FRMPD4: variants seen among roughly 807,000 people sequenced by gnomAD.
FRMPD4 encodes FERM and PDZ domain containing 4.
FRMPD4 carries 22 observed loss-of-function variants against 94.1 expected under a neutral mutation model. That is an observed-to-expected ratio of 0.23 (90% confidence interval 0.17 to 0.33). The LOEUF is 0.33. Ranked by LOEUF, FRMPD4 falls within the 10% of genes least tolerant of loss-of-function variation. The pLI is 1.00. For synonymous variants in FRMPD4, 631 were observed against 548.6 expected, an observed-to-expected ratio of 1.15 and a Z score of -2.10; for missense variants, 1,111 against 1,339.9, an observed-to-expected ratio of 0.83 and a Z score of 2.67.
rs750517113 is a variant in FRMPD4, at chrX:12,680,527, G to C, written c.469-2956G>C. Among the ~76,000 whole-genome samples, 362 of 112,342 alleles carry C rather than the reference G, an allele frequency of 3.2e-3. 4 individuals carry two copies. Among genetic ancestry groups the C allele is most frequent in the African/African-American group, 0.011 (345 of 30,993 alleles). ...ATTAAGTAGCCTTCAGACTTGGAGA[G>C]CCTATGTAGTTGTTATCCAAAAGTA... is the stretch of plus-strand genomic sequence containing the variant. On this transcript the variant is annotated intron_variant, in intron 5 of 16. Coordinates refer to ENST00000675598, the MANE Select transcript of FRMPD4 (RefSeq NM_001368397.1).
intron 3 of FRMPD4, among the ~76,000 whole-genome samples, chrX:12,050,704 C>CT (rs753752831): frequency 9.1e-6 from 1 of 109,695 alleles, no homozygotes; most frequent in South Asian, 3.9e-4. Context: ...GAATGCTTAG[C>CT]TTTTTAACTT....
At chrX:11,988,564 C>A (rs1432619874) in intron 3 of FRMPD4, among the ~76,000 whole-genome samples, 5 of 111,375 alleles carry the variant, frequency 4.5e-5, no homozygotes, top group Non-Finnish European at 9.5e-5. Context: ...GTGATACCAA[C>A]AAGCACAGGC....
intron 1 of FRMPD4, among the ~76,000 whole-genome samples, chrX:12,230,168 G>A (rs972446809): frequency 1.8e-5 from 2 of 111,488 alleles, no homozygotes; most frequent in Admixed American, 9.6e-5. Context: ...ATTAAATTAT[G>A]TCTGCAGATG....
chrX:12,200,283 A>G (rs1333478558), intron 1 of FRMPD4, among the ~76,000 whole-genome samples: 1 of 111,605 alleles, frequency 9.0e-6, no homozygotes, highest in Non-Finnish European at 1.9e-5. Flanking sequence ...GCCTATGCCC[A>G]GGAATGAACA....
chrX:11,841,671 C>T (rs1025476561), intron 1 of FRMPD4, among the ~76,000 whole-genome samples: 7 of 110,197 alleles, frequency 6.4e-5, no homozygotes, highest in African/African-American at 9.9e-5. Context: ...GAGTAGGTTG[C>T]GAAAATTTTC....
At chrX:12,079,019 G>A (rs2055041938) in intron 3 of FRMPD4, among the ~76,000 whole-genome samples, 2 of 111,201 alleles carry the variant, frequency 1.8e-5, no homozygotes, top group Non-Finnish European at 3.8e-5. Context: ...GGTGAAATTG[G>A]TATGAACACA....
At chrX:12,494,416 G>A (rs148181697) in intron 1 of FRMPD4, among the ~76,000 whole-genome samples, 4 of 112,145 alleles carry the variant, frequency 3.6e-5, no homozygotes, top group African/African-American at 1.3e-4. Context: ...TACTTTACAG[G>A]TGATGAAAAC....
At chrX:12,044,808 G>A (rs1268291819) in intron 3 of FRMPD4, among the ~76,000 whole-genome samples, 1 of 112,139 alleles carries the variant, frequency 8.9e-6, no homozygotes, top group Non-Finnish European at 1.9e-5. Context: ...GCCTTAAGAA[G>A]CACAATAAGG....
intron 2 of FRMPD4, among the ~76,000 whole-genome samples, chrX:12,547,011 TAAAAAAAAAAAAAA>T (rs57946725): frequency 2.1e-4 from 7 of 33,764 alleles, no homozygotes; most frequent in African/African-American, 8.5e-4. Context: ...ACTGTCTCTT[TAAAAAAAAAAAAAA>T]AAAAAAAAAA....
intron 16 of FRMPD4, among the ~76,000 whole-genome samples, chrX:12,720,053 A>AG (rs11389537): frequency 0.21 from 8,090 of 39,162 alleles, 546 homozygotes; most frequent in East Asian, 0.32. Context: ...AGGAAAGGAA[A>AG]GAAAGAAAGA....
At chrX:12,690,131 TG>T in intron 7 of FRMPD4, 63 bp from the exon 8 acceptor site, 1 of 967,400 alleles carries the variant, frequency 1.0e-6, no homozygotes. Flanking sequence ...TTTTCAGTCA[TG>T]GTAGACTCCA....
intron 1 of FRMPD4, among the ~76,000 whole-genome samples, chrX:12,209,725 T>A (rs2056734070): frequency 8.9e-6 from 1 of 112,146 alleles, no homozygotes; most frequent in Admixed American, 9.5e-5. Flanking sequence ...GGAAGAAGTT[T>A]CCTAACTTTC....
chrX:12,656,980 G>T (rs771487867), intron 4 of FRMPD4, among the ~76,000 whole-genome samples: 1 of 110,391 alleles, frequency 9.1e-6, no homozygotes, highest in East Asian at 2.8e-4. Flanking sequence ...CAGCTATTTG[G>T]GAGGCTGAGG....
At chrX:11,915,901 T>G (rs1601837218) in intron 3 of FRMPD4, among the ~76,000 whole-genome samples, 2 of 112,089 alleles carry the variant, frequency 1.8e-5, no homozygotes, top group Admixed American at 1.9e-4. Flanking sequence ...TTCAATGAAT[T>G]TATTCATATA....
intron 1 of FRMPD4, among the ~76,000 whole-genome samples, chrX:12,439,884 C>G (rs1184512437): frequency 8.9e-6 from 1 of 111,768 alleles, no homozygotes; most frequent in Non-Finnish European, 1.9e-5. Flanking sequence ...GATGACTTGA[C>G]CTTTCCAAAA....
At position 11,858,216 on chromosome X, in the gene FRMPD4, G is replaced by A. The variant is rs906838778; in HGVS notation, c.-160-6870G>A. 3.6e-5 allele frequency among the ~76,000 whole-genome samples: 4 copies of A among 111,252 alleles called. No individual in the cohort carries two copies. In the Admixed American group the frequency reaches 3.8e-4, roughly 11 times the overall value. ...CTCATTACTGGATATATACCCAAAA[G>A]AATATAAATTATTCTATTATAAAGA... On this transcript the variant is annotated intron_variant, in intron 1 of 18. Coordinates refer to the FRMPD4 transcript ENST00000640291.
intron 4 of FRMPD4, among the ~76,000 whole-genome samples, chrX:12,665,940 TA>T (rs1436686106): frequency 9.0e-6 from 1 of 111,546 alleles, no homozygotes; most frequent in African/African-American, 3.3e-5. Flanking sequence ...ACTTTAAATG[TA>T]AATGGGCTAA....
chrX:12,352,956 C>A (rs2055837871), intron 1 of FRMPD4, among the ~76,000 whole-genome samples: 1 of 111,972 alleles, frequency 8.9e-6, no homozygotes, highest in Admixed American at 9.5e-5. Flanking sequence ...ATTGTTATTA[C>A]ATTCATAATT....
chrX:12,473,500 A>G (rs2057546225), intron 1 of FRMPD4, among the ~76,000 whole-genome samples: 1 of 110,311 alleles, frequency 9.1e-6, no homozygotes, highest in South Asian at 3.7e-4. Flanking sequence ...AAATGCTCCA[A>G]TTAAAAGACA....
Sources: gnomAD v4.1 joint callset for allele counts (sites outside exome capture counted in the v4.1 genomes callset) on GRCh38, gnomAD v4.1.1 for gene constraint, MANE v1.5 for transcripts, NCBI Gene and HGNC (gene_info 2026-07-23, HGNC 2026-07-21) for gene names.